The following DRC11 variants were observed in gnomAD, a reference collection of about 807,000 sequenced individuals.
DRC11 encodes the protein dynein regulatory complex subunit 11, also known as IQ and AAA domain-containing protein 1.
the DRC11 span, among the ~76,000 whole-genome samples, chr2:236,437,881 A>G: frequency 6.9e-6 from 1 of 144,730 alleles, no homozygotes; most frequent in East Asian, 2.0e-4. Flanking sequence ...ATTTTCTCCC[A>G]TTTTGTAGGT....
chr2:236,466,838 C>G, the DRC11 span, among the ~76,000 whole-genome samples: 1 of 152,104 alleles, frequency 6.6e-6, no homozygotes, highest in Non-Finnish European at 1.5e-5. Flanking sequence ...ACCATATAAC[C>G]CTTTTCTTCT....
the DRC11 span, among the ~76,000 whole-genome samples, chr2:236,371,817 C>A: frequency 6.6e-6 from 1 of 152,292 alleles, no homozygotes; most frequent in Non-Finnish European, 1.5e-5. The surrounding 1 kb of genome is among the most constrained non-coding windows in gnomAD (Gnocchi z 5.1). Context: ...ATCCTAGGAT[C>A]CTGCTTCCTT....
At chr2:236,421,126 A>G in the DRC11 span, among the ~76,000 whole-genome samples, 1 of 152,112 alleles carries the variant, frequency 6.6e-6, no homozygotes, top group African/African-American at 2.4e-5. Flanking sequence ...TAAAATTGAC[A>G]CCCTAACATC....
the DRC11 span, among the ~76,000 whole-genome samples, chr2:236,312,241 C>T: frequency 1.4e-4 from 22 of 152,170 alleles, no homozygotes; most frequent in African/African-American, 2.4e-5. Context: ...ACTTTCAAAG[C>T]CATTTCAGTC....
chr2:236,350,807 A>G, the DRC11 span, among the ~76,000 whole-genome samples: 1 of 152,312 alleles, frequency 6.6e-6, no homozygotes, highest in Non-Finnish European at 1.5e-5. This position sits in a 1 kb window ranked among gnomAD's most constrained non-coding sequence, Gnocchi z 5.2. Context: ...CTTGCCCTCC[A>G]GAGCTCGGAT....
the DRC11 span, among the ~76,000 whole-genome samples, chr2:236,359,273 CT>C: frequency 6.9e-4 from 105 of 152,064 alleles, 1 homozygote; most frequent in African/African-American, 2.4e-3. This position sits in a 1 kb window ranked among gnomAD's most constrained non-coding sequence, Gnocchi z 4.3. Context: ...AGATACATTT[CT>C]TAAAAAGGAA....
At chr2:236,487,661 T>G in the DRC11 span, among the ~76,000 whole-genome samples, 4 of 152,230 alleles carry the variant, frequency 2.6e-5, no homozygotes, top group African/African-American at 9.6e-5. Context: ...TCTTCTGTAA[T>G]TATATATCTG....
At chr2:236,393,647 G>A in the DRC11 span, among the ~76,000 whole-genome samples, 1 of 152,204 alleles carries the variant, frequency 6.6e-6, no homozygotes, top group Non-Finnish European at 1.5e-5. The surrounding 1 kb of genome is among the most constrained non-coding windows in gnomAD (Gnocchi z 4.7). Flanking sequence ...ACTGGCAAAA[G>A]GGATGGACAA....
the DRC11 span, among the ~76,000 whole-genome samples, chr2:236,349,966 G>A: frequency 7.2e-5 from 11 of 152,198 alleles, no homozygotes; most frequent in African/African-American, 1.4e-4. This position sits in a 1 kb window ranked among gnomAD's most constrained non-coding sequence, Gnocchi z 5.5. Flanking sequence ...CGATGTCCAC[G>A]TGGCAAGCAA....
At chr2:236,486,852 C>T in the DRC11 span, 2 of 1,610,628 alleles carry the variant, frequency 1.2e-6, no homozygotes, top group Non-Finnish European at 1.7e-6. The surrounding 1 kb of genome is among the most constrained non-coding windows in gnomAD (Gnocchi z 5.7). Flanking sequence ...ATCATCTCCT[C>T]TTCTCTCAGT....
At chr2:236,488,092 G>A in the DRC11 span, 27 of 1,609,716 alleles carry the variant, frequency 1.7e-5, 2 homozygotes, top group South Asian at 3.0e-4. Context: ...AGATAGATTT[G>A]CTTCATGAAT....
the DRC11 span, among the ~76,000 whole-genome samples, chr2:236,358,051 ATATATAT>A: frequency 4.2e-5 from 5 of 119,438 alleles, no homozygotes; most frequent in Non-Finnish European, 6.3e-5. Context: ...TAATATATAG[ATATATAT>A]TATATGAATA....
At chr2:236,441,090 C>T in the DRC11 span, 66 of 1,562,022 alleles carry the variant, frequency 4.2e-5, no homozygotes, top group South Asian at 5.4e-4. Context: ...CCTTCTTCAA[C>T]GTCAGGGTAG....
At chr2:236,440,299 G>A in the DRC11 span, among the ~76,000 whole-genome samples, 1 of 152,278 alleles carries the variant, frequency 6.6e-6, no homozygotes, top group African/African-American at 2.4e-5. Flanking sequence ...TAGAGGAAGG[G>A]TTAGTCACCC....
the DRC11 span, chr2:236,419,124 C>A: frequency 6.4e-5 from 96 of 1,510,028 alleles, 2 homozygotes; most frequent in South Asian, 1.2e-3. The surrounding 1 kb of genome is among the most constrained non-coding windows in gnomAD (Gnocchi z 4.8). Flanking sequence ...AATCAAATTT[C>A]TAAAATTTCA....
At chr2:236,499,839 T>TC in the DRC11 span, among the ~76,000 whole-genome samples, 1 of 152,314 alleles carries the variant, frequency 6.6e-6, no homozygotes, top group Admixed American at 6.5e-5. This position sits in a 1 kb window ranked among gnomAD's most constrained non-coding sequence, Gnocchi z 4.7. Context: ...GAAGAGGAGA[T>TC]AAGTATCCAT....
chr2:236,415,283 C>T, the DRC11 span, among the ~76,000 whole-genome samples: 1 of 152,120 alleles, frequency 6.6e-6, no homozygotes, highest in South Asian at 2.1e-4. This position sits in a 1 kb window ranked among gnomAD's most constrained non-coding sequence, Gnocchi z 5.7. Context: ...AGTGAAAGAA[C>T]AATCATGCAG....
the DRC11 span, among the ~76,000 whole-genome samples, chr2:236,476,979 C>T: frequency 6.6e-6 from 1 of 152,088 alleles, no homozygotes; most frequent in Non-Finnish European, 1.5e-5. This position sits in a 1 kb window ranked among gnomAD's most constrained non-coding sequence, Gnocchi z 4.7. Context: ...TGTGAATGAT[C>T]TTTTTAAAGC....
chr2:236,364,086 C>A, the DRC11 span: 4 of 931,500 alleles, frequency 4.3e-6, no homozygotes, highest in African/African-American at 1.7e-5. Flanking sequence ...CCACTTTCTG[C>A]AACAGTGATA....
Sources: gnomAD v4.1 joint callset for allele counts (sites outside exome capture counted in the v4.1 genomes callset) on GRCh38, gnomAD v4.1.1 for gene constraint, Gnocchi (gnomAD v3.1) non-coding constraint, MANE v1.5 for transcripts, NCBI Gene and HGNC (gene_info 2026-07-23, HGNC 2026-07-21) for gene names.